SFR1: variants seen among roughly 807,000 people sequenced by gnomAD.
SFR1 encodes the protein SWI5 dependent homologous recombination repair protein 1.
SFR1 carries 24 observed loss-of-function variants against 26.2 expected under a neutral mutation model. The observed-to-expected ratio is 0.92, with a 90% CI of 0.66 to 1.29. The LOEUF (loss-of-function observed/expected upper bound fraction) is 1.29, where lower values mean the gene tolerates loss of function less well. Among genes scored for constraint, SFR1 ranks in the 50% most tolerant of loss-of-function variants. The probability of loss-of-function intolerance (pLI) is 0.00; values close to 1 mark genes in which losing one functional copy is unlikely to be tolerated. For synonymous variants in SFR1, 77 were observed against 96.6 expected (o/e 0.80, Z 1.19); for missense variants, 276 against 270.2 (o/e 1.02, Z -0.15).
At chr10:104,124,976 A>AT (rs1309714191) in intron 3 of SFR1, among the ~76,000 whole-genome samples, 7 of 151,682 alleles carry the variant, frequency 4.6e-5, no homozygotes, top group African/African-American at 1.7e-4. Flanking sequence ...TTTTAAAATT[A>AT]TTTTTTTGTA....
chr10:104,122,491 C>T, intron 1 of SFR1: 1 of 985,412 alleles, frequency 1.0e-6, no homozygotes. Flanking sequence ...TTAAATGCGT[C>T]TCCGCTGTGT....
chr10:104,124,256 C>T lies in SFR1; in HGVS notation c.546+132C>T, dbSNP rs1419418384. 5.1e-6 allele frequency: 4 copies of T among 781,414 alleles called. No individual in the cohort carries two copies. The Admixed American group carries it at 1.5e-4, about 28-fold the overall frequency. The allele number at this position is 781,414 out of a possible 1,614,324, so 48.4% of individuals were successfully genotyped here. A position where few individuals can be genotyped will look rare whatever the true frequency, so the allele number is the denominator to read the frequency against. ...AAATATTCAGAAACCTGGCTTCCAA[C>T]AGCTTTAATTCAACTCCAGATTTAG... On this transcript the variant is annotated intron_variant, in intron 3 of 3. Transcript: ENST00000369727.
At chr10:104,121,289 G>A (rs1206036563), upstream of SFR1, among the ~76,000 whole-genome samples, 1 of 152,042 alleles carries the variant, frequency 6.6e-6, no homozygotes, top group Non-Finnish European at 1.5e-5. Context: ...AAAGATTTGA[G>A]GTCACGCTAA....
chr10:104,121,200 C>G (rs1368121891), upstream of SFR1, among the ~76,000 whole-genome samples: 3 of 152,122 alleles, frequency 2.0e-5, no homozygotes, highest in African/African-American at 7.2e-5. Flanking sequence ...CCGACACAAT[C>G]TCATGTAGTG....
intron 2 of SFR1, 174 bp downstream of exon 2, chr10:104,123,260 AG>A: frequency 1.9e-6 from 1 of 527,716 alleles, no homozygotes; most frequent in Non-Finnish European, 3.3e-6. Flanking sequence ...GACACCCACC[AG>A]CCCCCTTCCA....
rs1449729075 is a variant in SFR1, at chr10:104,125,511, A to T, written c.547-2A>T. On this transcript the variant is annotated splice_acceptor_variant, in intron 3 of 3. Transcript: ENST00000369727. LOFTEE classifies it high-confidence loss of function. ...ACATACATGTTTTTTTTTCTGTTTC[A>T]GAATGATCTGTCTCAGTTACAGTTG... 1.3e-6 allele frequency: 2 copies of T among 1,599,278 alleles called. No individual in the cohort carries two copies. Among genetic ancestry groups the T allele is most frequent in the Admixed American group, 3.6e-5 (2 of 54,862 alleles).
rs2087027675 is a variant in SFR1 at position 104,126,340 on chromosome 10, A to T, written c.*636A>T. On this transcript the variant is annotated 3_prime_UTR_variant, in exon 4 of 4. Transcript: ENST00000369727. ...TTCCATCCATTTACCACATATTTCCATCTGATAGTCTAGCAGGTAATTAAA... is the reference window on the plus strand; with the variant it reads ...TTCCATCCATTTACCACATATTTCCTTCTGATAGTCTAGCAGGTAATTAAA... The T allele has an allele frequency of 6.6e-6, 1 of 152,626 alleles. No homozygotes were observed. The highest frequency in any genetic ancestry group is 1.5e-5 in the Non-Finnish European group (1 of 68,050). The allele number at this position is 152,626 out of a possible 1,614,324, so 9.5% of individuals were successfully genotyped here.
At chr10:104,122,928 T>G in intron 1 of SFR1, 37 bp from the exon 2 acceptor site, 1 of 1,605,834 alleles carries the variant, frequency 6.2e-7, no homozygotes, top group Non-Finnish European at 8.5e-7. Flanking sequence ...TAGAGAGGTG[T>G]GGTTAATTCG....
chr10:104,120,421 T>C (rs1313207043), upstream of SFR1, among the ~76,000 whole-genome samples: 1 of 152,236 alleles, frequency 6.6e-6, no homozygotes, highest in Non-Finnish European at 1.5e-5. Flanking sequence ...GAGTGAAATA[T>C]GTATTATTAA....
At chr10:104,120,379 G>A (rs2086950028), upstream of SFR1, among the ~76,000 whole-genome samples, 1 of 152,036 alleles carries the variant, frequency 6.6e-6, no homozygotes, top group South Asian at 2.1e-4. Context: ...AAATTCCTTG[G>A]GGTTAACTTA....
rs373768621 is a variant in SFR1 at position 104,125,934 on chromosome 10, T to C, written c.*230T>C. On this transcript the variant is annotated 3_prime_UTR_variant, in exon 4 of 4. Coordinates refer to ENST00000369727, the MANE Select transcript of SFR1 (RefSeq NM_001002759.2). The stretch of plus-strand genomic sequence containing the variant: ...GCGCCCGCCACCATGCCCGGCTAAT[T>C]TTTGCATTTTTAGTAGAGACTGGGT... 2.5e-5 allele frequency: 8 copies of C among 315,792 alleles called. No individual in the cohort carries two copies. Among genetic ancestry groups the C allele is most frequent in the Admixed American group, 1.4e-4 (3 of 21,388 alleles). The allele number at this position is 315,792 out of a possible 1,614,324, so 19.6% of individuals were successfully genotyped here. A position where few individuals can be genotyped will look rare whatever the true frequency, so the allele number is the denominator to read the frequency against.
chr10:104,122,912 C>T (rs200501827), intron 1 of SFR1, 53 bp from the exon 2 acceptor site: 231 of 1,599,280 alleles, frequency 1.4e-4, no homozygotes, highest in Non-Finnish European at 1.8e-4. Context: ...TGATAAAAGT[C>T]GACTATAGAG....
At chr10:104,122,252 G>C (rs2086972009) in intron 1 of SFR1, 56 bp downstream of exon 1, 2 of 1,505,032 alleles carry the variant, frequency 1.3e-6, no homozygotes, top group East Asian at 5.3e-5. Context: ...CCGGGAGTCG[G>C]CTGTGGAGTC....
At chr10:104,122,680 C>G (rs1589592058) in intron 1 of SFR1, 1 of 1,355,114 alleles carries the variant, frequency 7.4e-7, no homozygotes, top group Non-Finnish European at 9.5e-7. Flanking sequence ...TCCCTACTTC[C>G]AAGGCAGAAT....
Position 104,125,534 on chromosome 10 carries a change from T to C in SFR1, c.568T>C (p.Leu190=). 2 of 1,612,304 alleles carry C rather than the reference T, an allele frequency of 1.2e-6. No homozygotes were observed. Among genetic ancestry groups the C allele is most frequent in the Non-Finnish European group, 1.7e-6 (2 of 1,179,402 alleles). The change falls in exon 4 of 4, where the codon TTG becomes CTG. Residue 190 remains leucine, a synonymous_variant. Transcript: ENST00000369727. The stretch of plus-strand genomic sequence containing the variant: ...TCAGAATGATCTGTCTCAGTTACAG[T>C]TGTTAATAAAGAAGTGGAGAAGCTG... ...RSKNDLSQLQ[L]LIKKWRSCSQ...
At position 104,122,973 on chromosome 10, in the gene SFR1, C is replaced by G. The variant is rs1394999127; in HGVS notation, c.22C>G (p.Gln8Glu). 1 of 1,612,878 alleles carries G rather than the reference C, an allele frequency of 6.2e-7. No homozygotes were observed. Among genetic ancestry groups the G allele is most frequent in the Non-Finnish European group, 8.5e-7 (1 of 1,179,308 alleles). The change falls in exon 2 of 4, where the codon CAA becomes GAA. Residue 8 changes from glutamine (Q) to glutamate (E), a missense_variant. Physicochemically the swap from Gln to Glu is conservative, Grantham distance 29. Transcript: ENST00000369727. MAEGEKN[Q>E]DFTFKMESPS... ...TAATTTTTCTTTTTTAGAGAAAAAC[C>G]AAGATTTCACTTTCAAGATGGAAAG... is the stretch of plus-strand genomic sequence containing the variant.
Position 104,125,823 on chromosome 10 carries a change from TG to T in SFR1, c.*121del. 1 of 648,656 alleles carries T rather than the reference TG, an allele frequency of 1.5e-6. No individual in the cohort carries two copies. Among genetic ancestry groups the T allele is most frequent in the Non-Finnish European group, 2.6e-6 (1 of 386,378 alleles). 40.2% of individuals were successfully genotyped at this position (648,656 alleles called of 1,614,324 possible). Reference sequence around the variant, plus strand: ...TCTTGTCATCCTGGCTGGAGTGTGATGGTGCGATCTTGACTCACTGCAACCT... The same window carrying T: ...TCTTGTCATCCTGGCTGGAGTGTGATGTGCGATCTTGACTCACTGCAACCT... On this transcript the variant is annotated 3_prime_UTR_variant, in exon 4 of 4. Transcript: ENST00000369727.
chr10:104,122,349 G>T lies in SFR1; in HGVS notation c.13+153G>T. 4 of 985,350 alleles carry T rather than the reference G, an allele frequency of 4.1e-6. No individual in the cohort carries two copies. In the South Asian group the frequency reaches 1.4e-4, roughly 35 times the overall value. The allele number at this position is 985,350 out of a possible 1,614,324, so 61.0% of individuals were successfully genotyped here. The stretch of plus-strand genomic sequence containing the variant: ...GGAACTAGTGGGCTTTCTGCAACGG[G>T]GGGAAGGAGGGGACGACTCCCGCCC... On this transcript the variant is annotated intron_variant, in intron 1 of 3. Transcript: ENST00000369727.
intron 1 of SFR1, 183 bp from the exon 2 acceptor site, chr10:104,122,782 T>G: frequency 6.6e-7 from 1 of 1,509,178 alleles, no homozygotes. Flanking sequence ...AACTTAGTGG[T>G]CCCTATGTGG....
Sources: gnomAD v4.1 joint callset for allele counts (sites outside exome capture counted in the v4.1 genomes callset) on GRCh38, gnomAD v4.1.1 for gene constraint, MANE v1.5 for transcripts, NCBI Gene and HGNC (gene_info 2026-07-23, HGNC 2026-07-21) for gene names.